Variants in GUCY1A2 observed in about 807,000 individuals in gnomAD.
GUCY1A2 encodes the protein guanylate cyclase 1 soluble subunit alpha 2, also known as guanylate cyclase soluble subunit alpha-2.
GUCY1A2 carries 27 observed loss-of-function variants against 63.5 expected under a neutral mutation model. That is an observed-to-expected ratio of 0.43 (90% confidence interval 0.31 to 0.59). The LOEUF (loss-of-function observed/expected upper bound fraction) is 0.59, where lower values mean the gene tolerates loss of function less well. Ranked by LOEUF, GUCY1A2 falls within the 20% of genes least tolerant of loss-of-function variation. The pLI is 0.11. For missense variants in GUCY1A2, 768 were observed against 913.3 expected (o/e 0.84, Z 2.05); for synonymous variants, 364 against 343.5 (o/e 1.06, Z -0.66).
chr11:106,690,824 GACCTGTAA>G (rs1181765324), intron 7 of GUCY1A2, among the ~76,000 whole-genome samples: 1 of 152,078 alleles, frequency 6.6e-6, no homozygotes, highest in Non-Finnish European at 1.5e-5. Context: ...CTGGAACCTA[GACCTGTAA>G]ACACAGTCAA....
At chr11:107,009,875 T>C (rs1474446951) in intron 1 of GUCY1A2, among the ~76,000 whole-genome samples, 1 of 152,210 alleles carries the variant, frequency 6.6e-6, no homozygotes, top group African/African-American at 2.4e-5. Flanking sequence ...CAGTCACCTC[T>C]AGACATACCT....
At position 106,676,494 on chromosome 11, in the gene GUCY1A2, C is replaced by T. The variant is rs1402336609; in HGVS notation, c.*11055G>A. On this transcript the variant is annotated 3_prime_UTR_variant, in exon 8 of 8. Coordinates refer to ENST00000526355, the MANE Select transcript of GUCY1A2 (RefSeq NM_000855.3). Reference sequence around the variant, plus strand: ...GGTTTAAAACCTCAAAGACACAGAGCTAAGAAATATGGAATACATTGTATA... The same window carrying T: ...GGTTTAAAACCTCAAAGACACAGAGTTAAGAAATATGGAATACATTGTATA... 5.4e-6 allele frequency: 1 copy of T among 185,934 alleles called. No homozygotes were observed. Among genetic ancestry groups the T allele is most frequent in the African/African-American group, 2.3e-5 (1 of 42,622 alleles). The allele number at this position is 185,934 out of a possible 1,614,324, so 11.5% of individuals were successfully genotyped here. A position where few individuals can be genotyped will look rare whatever the true frequency, so the allele number is the denominator to read the frequency against.
chr11:106,706,014 G>A (rs1862903666), intron 7 of GUCY1A2, among the ~76,000 whole-genome samples: 1 of 152,062 alleles, frequency 6.6e-6, no homozygotes, highest in Non-Finnish European at 1.5e-5. Flanking sequence ...ACTATGGTAG[G>A]ATCATGGATA....
chr11:106,674,944 G>A lies in GUCY1A2; in HGVS notation c.*12605C>T, dbSNP rs1862320371. 1 of 215,734 alleles carries A rather than the reference G, an allele frequency of 4.6e-6. No individual in the cohort carries two copies. The highest frequency in any genetic ancestry group is 9.3e-6 in the Non-Finnish European group (1 of 107,004). 13.4% of individuals were successfully genotyped at this position (215,734 alleles called of 1,614,324 possible). A position where few individuals can be genotyped will look rare whatever the true frequency, so the allele number is the denominator to read the frequency against. ...ATTATATAGTGCCTGCAGACTTGAT[G>A]GAAGTGCATTGGCTGTTTATTTTAT... On this transcript the variant is annotated 3_prime_UTR_variant, in exon 8 of 8. Coordinates refer to ENST00000526355, the MANE Select transcript of GUCY1A2 (RefSeq NM_000855.3).
intron 6 of GUCY1A2, among the ~76,000 whole-genome samples, chr11:106,739,826 G>GTGTT (rs1863659007): frequency 6.6e-6 from 1 of 151,878 alleles, no homozygotes; most frequent in African/African-American, 2.4e-5. Flanking sequence ...TGTTACTCTT[G>GTGTT]TGTTTCCCCT....
At chr11:106,983,939 C>G (rs892105454) in intron 2 of GUCY1A2, among the ~76,000 whole-genome samples, 15 of 152,164 alleles carry the variant, frequency 9.9e-5, no homozygotes, top group Non-Finnish European at 2.1e-4. Context: ...GAACAACATA[C>G]AGCTGTAAAC....
chr11:106,730,142 T>C (rs1276664714), intron 6 of GUCY1A2, among the ~76,000 whole-genome samples: 1 of 147,600 alleles, frequency 6.8e-6, no homozygotes, highest in Non-Finnish European at 1.5e-5. Flanking sequence ...GGTTCAGCGG[T>C]ACCTAAAAGT....
intron 4 of GUCY1A2, among the ~76,000 whole-genome samples, chr11:106,829,537 G>A (rs551869366): frequency 6.6e-6 from 1 of 152,268 alleles, no homozygotes; most frequent in South Asian, 2.1e-4. Flanking sequence ...GAATATGATG[G>A]TTAATATTGA....
At chr11:106,937,946 T>A (rs1295623130) in intron 4 of GUCY1A2, among the ~76,000 whole-genome samples, 1 of 151,690 alleles carries the variant, frequency 6.6e-6, no homozygotes, top group East Asian at 1.9e-4. Flanking sequence ...CTCAAATAAT[T>A]TTTTTTTTGA....
intron 5 of GUCY1A2, among the ~76,000 whole-genome samples, chr11:106,791,184 G>C (rs1404197070): frequency 1.3e-5 from 2 of 152,204 alleles, no homozygotes; most frequent in Non-Finnish European, 2.9e-5. Flanking sequence ...TCTGCCTAGG[G>C]CTGGTCTAAA....
chr11:106,734,663 A>AT (rs1863558899), intron 6 of GUCY1A2, among the ~76,000 whole-genome samples: 1 of 152,178 alleles, frequency 6.6e-6, no homozygotes, highest in Non-Finnish European at 1.5e-5. Flanking sequence ...TTATTGCCAA[A>AT]GTTCCTCATT....
intron 5 of GUCY1A2, among the ~76,000 whole-genome samples, chr11:106,778,909 C>T (rs1019146577): frequency 2.7e-5 from 4 of 149,360 alleles, no homozygotes; most frequent in Admixed American, 1.4e-4. Flanking sequence ...GAAAAATATG[C>T]GTCAGTGATG....
intron 6 of GUCY1A2, among the ~76,000 whole-genome samples, chr11:106,726,821 T>A (rs1019935490): frequency 9.9e-5 from 15 of 152,278 alleles, no homozygotes; most frequent in African/African-American, 3.1e-4. Context: ...ATAAAGGTGG[T>A]GGCAGATTGT....
intron 6 of GUCY1A2, among the ~76,000 whole-genome samples, chr11:106,748,538 G>A (rs1397131072): frequency 3.3e-5 from 5 of 152,160 alleles, no homozygotes; most frequent in Admixed American, 3.3e-4. Flanking sequence ...CTCTTAGGGA[G>A]CTAGATGTTC....
At chr11:107,008,083 C>T (rs1257074401) in intron 1 of GUCY1A2, among the ~76,000 whole-genome samples, 3 of 146,582 alleles carry the variant, frequency 2.0e-5, no homozygotes, top group Non-Finnish European at 4.4e-5. Flanking sequence ...AGGAGTTCGA[C>T]ACCAGGCCCA....
At chr11:106,746,558 G>C in intron 6 of GUCY1A2, 5 of 1,582,182 alleles carry the variant, frequency 3.2e-6, no homozygotes, top group Non-Finnish European at 4.3e-6. Flanking sequence ...TACCTTTTCA[G>C]TACCCAAATC....
At chr11:107,005,843 A>T (rs535560105) in intron 1 of GUCY1A2, among the ~76,000 whole-genome samples, 20 of 152,316 alleles carry the variant, frequency 1.3e-4, no homozygotes, top group African/African-American at 4.3e-4. Flanking sequence ...ATGCCCAAAA[A>T]TGTTGGAAAT....
chr11:106,706,511 C>T (rs535484526), intron 7 of GUCY1A2, among the ~76,000 whole-genome samples: 1 of 150,188 alleles, frequency 6.7e-6, no homozygotes, highest in African/African-American at 2.5e-5. Context: ...CTCTGAGTCA[C>T]CACCAAAATG....
At chr11:106,972,542 C>A (rs1371501371) in intron 3 of GUCY1A2, among the ~76,000 whole-genome samples, 2 of 151,980 alleles carry the variant, frequency 1.3e-5, no homozygotes, top group African/African-American at 4.8e-5. Context: ...TTTAGAGACA[C>A]AGAAACACAA....
Sources: gnomAD v4.1 joint callset for allele counts (sites outside exome capture counted in the v4.1 genomes callset) on GRCh38, gnomAD v4.1.1 for gene constraint, MANE v1.5 for transcripts, NCBI Gene and HGNC (gene_info 2026-07-23, HGNC 2026-07-21) for gene names.